The following NEK10 variants were observed in gnomAD, a reference collection of about 807,000 sequenced individuals.
NEK10 encodes the protein NIMA related kinase 10.
NEK10 carries 122 observed loss-of-function variants against 159.8 expected under a neutral mutation model. The observed-to-expected ratio is 0.76, with a 90% CI of 0.66 to 0.89. The LOEUF (loss-of-function observed/expected upper bound fraction) is 0.89. Among genes scored for constraint, NEK10 ranks in the 40% least tolerant of loss-of-function variants. The pLI, the probability that NEK10 is intolerant of heterozygous loss-of-function variation, is 0.00. For missense variants in NEK10, 1,342 were observed against 1,323.1 expected (o/e 1.01, Z -0.22); for synonymous variants, 466 against 457.1 (o/e 1.02, Z -0.25).
intron 28 of NEK10, 80 bp from the exon 29 acceptor site, chr3:27,171,953 T>C (rs924766162): frequency 8.1e-5 from 114 of 1,415,750 alleles, no homozygotes; most frequent in Middle Eastern, 4.5e-4. Context: ...AAAACAATAC[T>C]GAACAACAAA....
chr3:27,306,935 T>C (rs2149570301), intron 11 of NEK10, among the ~76,000 whole-genome samples: 1 of 152,318 alleles, frequency 6.6e-6, no homozygotes, highest in African/African-American at 2.4e-5. Flanking sequence ...GTTGTCTCTC[T>C]CTCTCTGCCT....
chr3:27,224,408 C>T (rs1030828805), intron 23 of NEK10, among the ~76,000 whole-genome samples: 1 of 152,222 alleles, frequency 6.6e-6, no homozygotes, highest in South Asian at 2.1e-4. Context: ...GCCCCCACAA[C>T]ACTTCCAGTG....
chr3:27,315,688 A>G (rs1315190220), intron 6 of NEK10, among the ~76,000 whole-genome samples: 2 of 152,200 alleles, frequency 1.3e-5, no homozygotes, highest in African/African-American at 4.8e-5. Context: ...ACATATGTAG[A>G]TGGCAGGAGT....
chr3:27,162,994 G>A (rs1319690524), intron 29 of NEK10, among the ~76,000 whole-genome samples: 1 of 151,812 alleles, frequency 6.6e-6, no homozygotes, highest in Admixed American at 6.6e-5. Flanking sequence ...TAAATTTTAG[G>A]ATCCTGAATA....
intron 9 of NEK10, 143 bp from the exon 10 acceptor site, chr3:27,309,148 T>TTTC (rs2044479517): frequency 3.9e-6 from 2 of 513,970 alleles, no homozygotes; most frequent in South Asian, 6.3e-5. Flanking sequence ...TTAACTGTTT[T>TTTC]TTTTTTTTGC....
chr3:27,226,683 G>A (rs1952680173), intron 23 of NEK10, among the ~76,000 whole-genome samples: 1 of 151,944 alleles, frequency 6.6e-6, no homozygotes, highest in Non-Finnish European at 1.5e-5. Flanking sequence ...AATCTTAAAA[G>A]AAAACATTCC....
chr3:27,135,197 C>T (rs1943062676), intron 31 of NEK10, among the ~76,000 whole-genome samples: 2 of 152,068 alleles, frequency 1.3e-5, no homozygotes, highest in African/African-American at 4.8e-5. Context: ...GGTGGGAGGA[C>T]CGCTTGAGCC....
At chr3:27,273,477 T>C (rs906251033) in intron 22 of NEK10, among the ~76,000 whole-genome samples, 1 of 152,214 alleles carries the variant, frequency 6.6e-6, no homozygotes, top group Admixed American at 6.5e-5. Context: ...CCTTTTTCAC[T>C]ATCTTTAAAA....
chr3:27,161,708 C>T (rs1946025363), intron 30 of NEK10, among the ~76,000 whole-genome samples: 1 of 152,158 alleles, frequency 6.6e-6, no homozygotes. Context: ...CTATTAGAAA[C>T]TTTTATGTTT....
At chr3:27,257,788 C>CTTTTTTTTTTTTT (rs79727702) in intron 22 of NEK10, among the ~76,000 whole-genome samples, 1 of 130,514 alleles carries the variant, frequency 7.7e-6, no homozygotes, top group African/African-American at 3.0e-5. Context: ...TTTCTTTTTT[C>CTTTTTTTTTTTTT]TTTTTTTTTT....
chr3:27,263,625 G>A (rs2040617925), intron 22 of NEK10, among the ~76,000 whole-genome samples: 1 of 152,182 alleles, frequency 6.6e-6, no homozygotes, highest in East Asian at 1.9e-4. Flanking sequence ...CCAGGCACGG[G>A]ATATAATCTC....
At chr3:27,361,252 T>C (rs2048665877) in intron 1 of NEK10, among the ~76,000 whole-genome samples, 5 of 152,242 alleles carry the variant, frequency 3.3e-5, no homozygotes, top group Admixed American at 3.3e-4. Flanking sequence ...CATTGCATAA[T>C]GATATTTGTG....
chr3:27,203,594 T>C (rs765832946), intron 23 of NEK10, among the ~76,000 whole-genome samples: 2 of 152,094 alleles, frequency 1.3e-5, no homozygotes, highest in Admixed American at 6.6e-5. Flanking sequence ...ACACCCTAAA[T>C]TAAGTAGCTT....
At chr3:27,296,061 A>G (rs2043331781) in intron 14 of NEK10, among the ~76,000 whole-genome samples, 1 of 152,164 alleles carries the variant, frequency 6.6e-6, no homozygotes, top group Non-Finnish European at 1.5e-5. Context: ...CCACAACCAT[A>G]AAGGGAGAAA....
intron 30 of NEK10, among the ~76,000 whole-genome samples, chr3:27,142,079 C>G (rs558585104): frequency 6.6e-6 from 1 of 152,104 alleles, no homozygotes; most frequent in Non-Finnish European, 1.5e-5. Context: ...AATTAAATAA[C>G]TTTCAAACCT....
In NEK10 at chr3:27,108,967, T is replaced by C. The variant is rs181395672; in HGVS notation, c.*2305A>G. Among the ~76,000 whole-genome samples, 263 of 152,344 alleles carry C rather than the reference T, an allele frequency of 1.7e-3. No individual in the cohort carries two copies. Among genetic ancestry groups the C allele is most frequent in the African/African-American group, 6.0e-3 (249 of 41,572 alleles). On this transcript the variant is annotated 3_prime_UTR_variant, in exon 36 of 36. Transcript: ENST00000691995. ...CATATTCATACTTTTAGCAAAACAA[T>C]ACATCTATCCACATAGAGTTGATAG... is the stretch of plus-strand genomic sequence containing the variant.
chr3:27,347,555 A>T (rs2047655400), intron 3 of NEK10, among the ~76,000 whole-genome samples: 1 of 151,486 alleles, frequency 6.6e-6, no homozygotes, highest in Non-Finnish European at 1.5e-5. Flanking sequence ...TTCAAAGAGA[A>T]TATGCCTGAC....
In NEK10 at chr3:27,191,382, T is replaced by G. The variant is rs534830156; in HGVS notation, c.2505+647A>C. Among the ~76,000 whole-genome samples the G allele has an allele frequency of 1.1e-3, 164 of 151,698 alleles. 1 individual carries two copies. The highest frequency in any genetic ancestry group is 3.8e-3 in the African/African-American group (159 of 41,352). ...CATGAGCAAACAACAGAACACTGAT[T>G]GTGATTGCAACAAAGACACAGAAGA... On this transcript the variant is annotated intron_variant, in intron 26 of 35. Transcript: ENST00000691995.
chr3:27,299,826 GC>G (rs1010718570), intron 13 of NEK10, among the ~76,000 whole-genome samples: 1 of 152,180 alleles, frequency 6.6e-6, no homozygotes, highest in South Asian at 2.1e-4. Context: ...GGGGCCTGTA[GC>G]CCCCCTTTGT....
Sources: allele counts gnomAD v4.1 joint callset (sites outside exome capture counted in the v4.1 genomes callset), GRCh38; gene constraint gnomAD v4.1.1; transcripts MANE v1.5; gene names NCBI Gene and HGNC (gene_info 2026-07-23, HGNC 2026-07-21).